The following CDK5RAP2 variants were observed in gnomAD, a reference collection of about 807,000 sequenced individuals.
The protein encoded by CDK5RAP2 is CDK5 regulatory subunit-associated protein 2.
CDK5RAP2 carries 147 observed loss-of-function variants against 232.9 expected under a neutral mutation model. That is an observed-to-expected ratio of 0.63 (90% confidence interval 0.55 to 0.72). The LOEUF is 0.72. CDK5RAP2 is among the 30% of genes least tolerant of loss of function. The pLI is 0.00. For synonymous variants in CDK5RAP2, 833 were observed against 833.7 expected, an observed-to-expected ratio of 1.00 and a Z score of 0.01; for missense variants, 2,195 against 2,231.5, an observed-to-expected ratio of 0.98 and a Z score of 0.33.
Position 120,408,343 on chromosome 9 carries a change from G to C in CDK5RAP2, c.4726+4C>G. The C allele has an allele frequency of 6.2e-7, 1 of 1,613,952 alleles. No individual in the cohort carries two copies. The highest frequency in any genetic ancestry group is 8.5e-7 in the Non-Finnish European group (1 of 1,180,000). On this transcript the variant is annotated splice_donor_region_variant and intron_variant, in intron 31 of 37. Coordinates refer to ENST00000349780, the MANE Select transcript of CDK5RAP2 (RefSeq NM_018249.6). ...TAGCCTCAAGGTGAGAAGGGCCTCA[G>C]TACCTCTCAGTCTCCTGTGCTCTTC...
chr9:120,401,547 G>A (rs919717238), intron 34 of CDK5RAP2, among the ~76,000 whole-genome samples: 2 of 147,648 alleles, frequency 1.4e-5, no homozygotes, highest in South Asian at 2.1e-4. Flanking sequence ...AGGAGGTCAA[G>A]GCTGCAGTGT....
chr9:120,389,442 T>A, intron 37 of CDK5RAP2, 150 bp from the exon 38 acceptor site: 2 of 713,832 alleles, frequency 2.8e-6, no homozygotes, highest in East Asian at 2.7e-5. Context: ...TAAACAACGA[T>A]GAGATCATAC....
intron 27 of CDK5RAP2, among the ~76,000 whole-genome samples, chr9:120,417,807 G>GT (rs2034324382): frequency 1.3e-5 from 2 of 152,126 alleles, no homozygotes; most frequent in South Asian, 2.1e-4. Flanking sequence ...AAAAAAGTGT[G>GT]TATCTCTTGC....
intron 12 of CDK5RAP2, among the ~76,000 whole-genome samples, chr9:120,509,618 T>C (rs1351694793): frequency 2.6e-5 from 4 of 152,178 alleles, no homozygotes; most frequent in Non-Finnish European, 5.9e-5. Context: ...GCCACTGAAA[T>C]TGCTACGTTT....
At chr9:120,488,023 T>A (rs2038704046) in intron 13 of CDK5RAP2, among the ~76,000 whole-genome samples, 1 of 152,216 alleles carries the variant, frequency 6.6e-6, no homozygotes, top group African/African-American at 2.4e-5. Context: ...ATGATATGAT[T>A]CCACTGGCTG....
In CDK5RAP2 at chr9:120,459,985, C is replaced by T. The variant is rs78839589; in HGVS notation, c.2202+587G>A. On this transcript the variant is annotated intron_variant, in intron 19 of 37. Transcript: ENST00000349780. ...TTAGAGGGTTGGAGACTGCTTGCTCCACATGTTCAGTATCAATGTGATTGG... is the reference window on the plus strand; with the variant it reads ...TTAGAGGGTTGGAGACTGCTTGCTCTACATGTTCAGTATCAATGTGATTGG... Among the ~76,000 whole-genome samples the T allele has an allele frequency of 2.7e-3, 407 of 152,232 alleles. 1 individual carries two copies. The highest frequency in any genetic ancestry group is 8.9e-3 in the African/African-American group (368 of 41,534).
chr9:120,557,833 C>A (rs1277917882), intron 3 of CDK5RAP2, among the ~76,000 whole-genome samples: 2 of 147,292 alleles, frequency 1.4e-5, no homozygotes, highest in Non-Finnish European at 3.0e-5. Context: ...GGTGCAATCT[C>A]GGCTCACTGC....
At chr9:120,412,136 T>C (rs2033887784) in intron 28 of CDK5RAP2, among the ~76,000 whole-genome samples, 2 of 152,218 alleles carry the variant, frequency 1.3e-5, no homozygotes, top group African/African-American at 4.8e-5. Flanking sequence ...AGTTACTCTC[T>C]ACTCAAAAAC....
chr9:120,447,840 G>T, intron 22 of CDK5RAP2, 55 bp downstream of exon 22: 1 of 1,253,240 alleles, frequency 8.0e-7, no homozygotes, highest in Non-Finnish European at 1.2e-6. Context: ...ATTTCAAGCA[G>T]TTCTATCGAG....
At chr9:120,414,204 G>A (rs562420297) in intron 28 of CDK5RAP2, among the ~76,000 whole-genome samples, 37 of 152,314 alleles carry the variant, frequency 2.4e-4, no homozygotes, top group African/African-American at 7.7e-4. Context: ...ATTTAATCTC[G>A]CAATGACCCT....
intron 5 of CDK5RAP2, among the ~76,000 whole-genome samples, chr9:120,539,463 A>T (rs2041535395): frequency 6.6e-6 from 1 of 152,248 alleles, no homozygotes. Context: ...TACTTAATAT[A>T]CTACGAACAT....
intron 3 of CDK5RAP2, among the ~76,000 whole-genome samples, chr9:120,557,291 T>C (rs148906981): frequency 6.6e-6 from 1 of 152,180 alleles, no homozygotes; most frequent in African/African-American, 2.4e-5. Context: ...TTCTTCATGT[T>C]TCCACACACT....
intron 26 of CDK5RAP2, 33 bp from the exon 27 acceptor site, chr9:120,419,993 C>T (rs768014549): frequency 1.3e-6 from 2 of 1,572,752 alleles, no homozygotes. Flanking sequence ...TAAATCATCT[C>T]CCATGCTAAA....
At chr9:120,557,517 A>G (rs1233937538) in intron 3 of CDK5RAP2, among the ~76,000 whole-genome samples, 1 of 152,154 alleles carries the variant, frequency 6.6e-6, no homozygotes, top group Non-Finnish European at 1.5e-5. Context: ...ACACTTTGGT[A>G]GGCAGAGCCA....
rs141933482 is a variant in CDK5RAP2, at chr9:120,524,051, A to G, written c.1092+935T>C. Among the ~76,000 whole-genome samples, 383 of 152,242 alleles carry G rather than the reference A, an allele frequency of 2.5e-3. 2 individuals carry two copies. The highest frequency in any genetic ancestry group is 8.6e-3 in the African/African-American group (357 of 41,552). ...GTCTTTGGAGTCAGATTGGCTCTGG[A>G]GTCAAATCTTAGCTCTATTACTTAC... On this transcript the variant is annotated intron_variant, in intron 11 of 37. Coordinates refer to ENST00000349780, the MANE Select transcript of CDK5RAP2 (RefSeq NM_018249.6).
chr9:120,552,679 A>T (rs2042086913), intron 3 of CDK5RAP2, among the ~76,000 whole-genome samples: 1 of 116,536 alleles, frequency 8.6e-6, no homozygotes, highest in African/African-American at 3.3e-5. Context: ...AACATCACAC[A>T]CCAGGGCCTG....
chr9:120,493,480 C>T (rs1395470186), intron 12 of CDK5RAP2, among the ~76,000 whole-genome samples: 1 of 152,126 alleles, frequency 6.6e-6, no homozygotes, highest in Non-Finnish European at 1.5e-5. Flanking sequence ...ATAATGAAAT[C>T]AAATTATCAC....
At chr9:120,480,155 A>G (rs1332704110) in intron 14 of CDK5RAP2, among the ~76,000 whole-genome samples, 1 of 152,244 alleles carries the variant, frequency 6.6e-6, no homozygotes, top group African/African-American at 2.4e-5. Flanking sequence ...CTGGAGGCGG[A>G]TGTTCAGTCC....
chr9:120,503,129 A>G (rs907482924), intron 12 of CDK5RAP2, among the ~76,000 whole-genome samples: 2 of 152,176 alleles, frequency 1.3e-5, no homozygotes, highest in African/African-American at 4.8e-5. Flanking sequence ...TGCTATTGTT[A>G]AGGCTAAAGA....
Sources: allele counts gnomAD v4.1 joint callset (sites outside exome capture counted in the v4.1 genomes callset), GRCh38; gene constraint gnomAD v4.1.1; transcripts MANE v1.5; gene names NCBI Gene and HGNC (gene_info 2026-07-23, HGNC 2026-07-21).